The following SMARCA2 variants were observed in gnomAD, a reference collection of about 807,000 sequenced individuals.
The protein encoded by SMARCA2 is SWI/SNF-related matrix-associated actin-dependent regulator of chromatin subfamily A member 2.
A neutral mutation model predicts 199.8 loss-of-function variants in SMARCA2; 61 were observed. The observed-to-expected ratio is 0.31, with a 90% CI of 0.25 to 0.38. SMARCA2 has a LOEUF of 0.38. Ranked by LOEUF, SMARCA2 falls within the 10% of genes least tolerant of loss-of-function variation. The pLI, the probability that SMARCA2 is intolerant of heterozygous loss-of-function variation, is 1.00. For synonymous variants in SMARCA2, 935 were observed against 732.0 expected (o/e 1.28, Z -4.48); for missense variants, 1,344 against 2,012.2 (o/e 0.67, Z 6.35).
intron 27 of SMARCA2, among the ~76,000 whole-genome samples, chr9:2,135,196 G>C (rs1252486291): frequency 6.6e-6 from 1 of 152,160 alleles, no homozygotes; most frequent in African/African-American, 2.4e-5. Context: ...AGTGTCTGAG[G>C]GCAGGAGAAG....
intron 4 of SMARCA2, chr9:2,042,694 A>C (rs543377959): frequency 8.7e-5 from 13 of 150,234 alleles, no homozygotes; most frequent in East Asian, 1.9e-4. Flanking sequence ...CGGTACCTAC[A>C]TCTTTCGTCA....
intron 21 of SMARCA2, among the ~76,000 whole-genome samples, chr9:2,100,262 C>T (rs1379460351): frequency 4.6e-5 from 7 of 152,144 alleles, no homozygotes; most frequent in Non-Finnish European, 8.8e-5. Context: ...GCGTGGAAAA[C>T]AGTATTTCTT....
At chr9:2,138,188 A>C (rs566823923) in intron 27 of SMARCA2, among the ~76,000 whole-genome samples, 95 of 152,328 alleles carry the variant, frequency 6.2e-4, no homozygotes, top group African/African-American at 1.8e-3. Flanking sequence ...CAACAACAAA[A>C]AAAAAACAGA....
rs934904426 is a variant in SMARCA2 at position 2,191,521 on chromosome 9, G to A, written c.4737+113G>A. On this transcript the variant is annotated intron_variant, in intron 33 of 33. Transcript: ENST00000349721. ...CGCTTTATTACCCAGGACTGGAAAT[G>A]TCAGGATTTAGTGAGATTTCATTAT... 3.4e-6 allele frequency: 4 copies of A among 1,164,244 alleles called. No homozygotes were observed. The African/African-American group carries it at 6.2e-5, about 18-fold the overall frequency. The allele number at this position is 1,164,244 out of a possible 1,614,324, so 72.1% of individuals were successfully genotyped here.
chr9:2,074,361 T>C (rs1174095978), intron 12 of SMARCA2, among the ~76,000 whole-genome samples: 1 of 152,164 alleles, frequency 6.6e-6, no homozygotes, highest in African/African-American at 2.4e-5. Context: ...ATATTGTCAT[T>C]AGATCTGATA....
chr9:2,058,833 G>A (rs748701582), intron 8 of SMARCA2, among the ~76,000 whole-genome samples: 2 of 152,062 alleles, frequency 1.3e-5, no homozygotes, highest in Admixed American at 6.6e-5. Context: ...GAATGACCAC[G>A]TTTTTTGGAA....
chr9:2,188,519 C>T (rs1009144226), intron 32 of SMARCA2, among the ~76,000 whole-genome samples: 4 of 152,150 alleles, frequency 2.6e-5, no homozygotes, highest in African/African-American at 9.7e-5. Flanking sequence ...AATACATCTG[C>T]ATCATCTATT....
chr9:2,046,056 C>T (rs910821719), intron 4 of SMARCA2: 1 of 152,124 alleles, frequency 6.6e-6, no homozygotes, highest in African/African-American at 2.4e-5. Flanking sequence ...TTAAATCGCT[C>T]TGAAGTATGT....
chr9:2,157,868 G>C (rs555849385), intron 27 of SMARCA2: 1 of 398,600 alleles, frequency 2.5e-6, no homozygotes, highest in Admixed American at 4.4e-5. Context: ...TGGACCTGCC[G>C]TCACGCAGTA....
intron 12 of SMARCA2, among the ~76,000 whole-genome samples, chr9:2,075,960 G>C (rs1586678125): frequency 6.6e-6 from 1 of 152,294 alleles, no homozygotes; most frequent in South Asian, 2.1e-4. Flanking sequence ...TATGTTTCTG[G>C]CATGATATTT....
intron 27 of SMARCA2, among the ~76,000 whole-genome samples, chr9:2,146,324 A>C (rs572143691): frequency 6.6e-6 from 1 of 152,208 alleles, no homozygotes; most frequent in Non-Finnish European, 1.5e-5. Context: ...TAGGATTTCA[A>C]GACAGGAATT....
rs1822673675 is a variant in SMARCA2 at position 2,104,644 on chromosome 9, A to C, written c.3292+475A>C. ...CTCTCTTCCTAAATAAGACGTATCC[A>C]CATGTTACATTGTTAAGAGACATGA... On this transcript the variant is annotated intron_variant, in intron 23 of 33. Coordinates refer to ENST00000349721, the MANE Select transcript of SMARCA2 (RefSeq NM_003070.5). The surrounding 1 kb of genome is among the most constrained non-coding windows in gnomAD (Gnocchi z 4.0). Among the ~76,000 whole-genome samples, 1 of 152,238 alleles carries C rather than the reference A, an allele frequency of 6.6e-6. No individual in the cohort carries two copies.
chr9:2,181,860 A>G (rs553539727), intron 30 of SMARCA2, among the ~76,000 whole-genome samples, 184 bp downstream of exon 30: 3 of 152,230 alleles, frequency 2.0e-5, no homozygotes, highest in African/African-American at 7.2e-5. Flanking sequence ...CTCACGTTAT[A>G]TTGCATTTTA....
intron 19 of SMARCA2, among the ~76,000 whole-genome samples, chr9:2,092,478 A>C (rs2130508371): frequency 6.6e-6 from 1 of 152,358 alleles, no homozygotes; most frequent in South Asian, 2.1e-4. Flanking sequence ...ATCTCAGTTC[A>C]CAAAGTGGTG....
At chr9:2,076,856 T>G (rs1821348685) in intron 13 of SMARCA2, among the ~76,000 whole-genome samples, 1 of 152,130 alleles carries the variant, frequency 6.6e-6, no homozygotes, top group Non-Finnish European at 1.5e-5. Flanking sequence ...GTCTCATCCA[T>G]TCCTGTGGGC....
rs183483080 is a variant in SMARCA2 at position 2,093,850 on chromosome 9, C to T, written c.2884-2807C>T. On this transcript the variant is annotated intron_variant, in intron 19 of 33. Transcript: ENST00000349721. ...CAACTTCCTTTAACATTGACCTGTG[C>T]CCTGAAAGTAACTCATATCTTGAGA... Among the ~76,000 whole-genome samples, 274 of 152,228 alleles carry T rather than the reference C, an allele frequency of 1.8e-3. 1 individual carries two copies. Among genetic ancestry groups the T allele is most frequent in the Non-Finnish European group, 1.4e-3 (92 of 68,014 alleles).
At chr9:2,178,582 G>A (rs1300120730) in intron 29 of SMARCA2, among the ~76,000 whole-genome samples, 1 of 152,054 alleles carries the variant, frequency 6.6e-6, no homozygotes, top group East Asian at 1.9e-4. Flanking sequence ...CTTTCTGGCC[G>A]GGGGCAGGGT....
chr9:2,100,625 C>G (rs76271268), intron 21 of SMARCA2, among the ~76,000 whole-genome samples: 3,025 of 151,912 alleles, frequency 0.02, 105 homozygotes, highest in African/African-American at 0.069. Flanking sequence ...TCGCTTGAAC[C>G]TGGGAGGCAG....
intron 27 of SMARCA2, among the ~76,000 whole-genome samples, chr9:2,149,262 AATCCAAGCACTTTGGGAGGC>A (rs1353060761): frequency 6.6e-6 from 1 of 151,336 alleles, no homozygotes; most frequent in African/African-American, 2.4e-5. Flanking sequence ...TCACACCTGT[AATCCAAGCACTTTGGGAGGC>A]TGAGGCAGGT....
Sources: gnomAD v4.1 joint callset for allele counts (sites outside exome capture counted in the v4.1 genomes callset) on GRCh38, gnomAD v4.1.1 for gene constraint, Gnocchi (gnomAD v3.1) non-coding constraint, MANE v1.5 for transcripts, NCBI Gene and HGNC (gene_info 2026-07-23, HGNC 2026-07-21) for gene names.